Variants in STXBP5 observed in about 807,000 individuals in gnomAD.
STXBP5 encodes syntaxin-binding protein 5.
In STXBP5, 50 loss-of-function variants were observed where a neutral mutation model predicts 152.4. The ratio of observed to expected loss-of-function variants is 0.33; its 90% CI spans 0.26 to 0.42. The LOEUF is 0.42. Ranked by LOEUF, STXBP5 falls within the 10% of genes least tolerant of loss-of-function variation. The pLI, the probability that STXBP5 is intolerant of heterozygous loss-of-function variation, is 1.00. For missense variants in STXBP5, 1,167 were observed against 1,388.6 expected (o/e 0.84, Z 2.54); for synonymous variants, 492 against 494.7 (o/e 0.99, Z 0.07).
chr6:147,211,981 A>G (rs768925487), intron 2 of STXBP5, among the ~76,000 whole-genome samples: 1 of 152,218 alleles, frequency 6.6e-6, no homozygotes, highest in Non-Finnish European at 1.5e-5. Flanking sequence ...AGGAGAAACA[A>G]GGAGCTTGAA....
In STXBP5 at chr6:147,339,185, C is replaced by A; in HGVS notation, c.2153C>A (p.Ser718Ter). The A allele has an allele frequency of 1.3e-6, 2 of 1,540,134 alleles. No homozygotes were observed. The highest frequency in any genetic ancestry group is 1.7e-6 in the Non-Finnish European group (2 of 1,143,094). The change falls in exon 20 of 28, where the codon TCA (serine) becomes TAA (stop). Residue 718 changes from serine (S) to a stop codon, truncating the protein, a stop_gained. Transcript: ENST00000321680. LOFTEE classifies it high-confidence loss of function. ...DRCKSPTSGS[S>*]SPHNSDDEQK... is the part of the protein sequence containing the mutation. ...GTTGTCTTCATTTGTGTAGGTTCTT[C>A]ATCACCACACAATTCAGATGATGAA...
At chr6:147,286,479 T>C (rs1780967553) in intron 8 of STXBP5, among the ~76,000 whole-genome samples, 1 of 152,180 alleles carries the variant, frequency 6.6e-6, no homozygotes, top group African/African-American at 2.4e-5. Context: ...TCAAAACTCA[T>C]CTGATTGTAC....
At chr6:147,341,715 A>G (rs528573923) in intron 21 of STXBP5, among the ~76,000 whole-genome samples, 2 of 151,080 alleles carry the variant, frequency 1.3e-5, no homozygotes, top group South Asian at 4.2e-4. Flanking sequence ...ACAGGATGGC[A>G]GTCACAATTT....
intron 2 of STXBP5, among the ~76,000 whole-genome samples, chr6:147,208,040 A>G (rs1776661190): frequency 6.6e-6 from 1 of 152,186 alleles, no homozygotes; most frequent in Admixed American, 6.5e-5. Flanking sequence ...CAGGTGGCCA[A>G]AATTGTCACT....
At chr6:147,374,362 C>G (rs1785708817) in intron 26 of STXBP5, among the ~76,000 whole-genome samples, 1 of 152,026 alleles carries the variant, frequency 6.6e-6, no homozygotes, top group Admixed American at 6.6e-5. Context: ...CAGCTAGTAT[C>G]TATCCTTTGA....
intron 23 of STXBP5, among the ~76,000 whole-genome samples, 183 bp downstream of exon 23, chr6:147,359,506 A>G (rs9497758): frequency 0.011 from 1,722 of 152,036 alleles, 41 homozygotes; most frequent in African/African-American, 0.04. Context: ...CATGTGCACA[A>G]TGTGCAGGTT....
rs1303593645 is a variant in STXBP5 at position 147,334,189 on chromosome 6, G to A, written c.2113G>A (p.Val705Ile). The part of the protein sequence containing the change: ...GLCDISEGTV[V>I]PEDRCKSPTS... ...GTGTGATATTAGTGAAGGGACTGTT[G>A]TTCCAGAGGATCGCTGCAAATCTCC... is the stretch of plus-strand genomic sequence containing the variant. The change falls in exon 19 of 28, where the codon GTT becomes ATT. Residue 705 changes from valine to isoleucine, a missense_variant. Around this residue, in one of 3 missense-constraint regions of STXBP5, gnomAD observed 833 missense variants for 986.3 expected, o/e 0.84. Coordinates refer to ENST00000321680, the MANE Select transcript of STXBP5 (RefSeq NM_001127715.4). 6.2e-7 allele frequency: 1 copy of A among 1,612,308 alleles called. No homozygotes were observed. Among genetic ancestry groups the A allele is most frequent in the Admixed American group, 1.7e-5 (1 of 59,942 alleles).
At chr6:147,241,364 C>T (rs987889687) in intron 4 of STXBP5, among the ~76,000 whole-genome samples, 2 of 152,210 alleles carry the variant, frequency 1.3e-5, no homozygotes, top group South Asian at 2.1e-4. Context: ...TTGACAAATG[C>T]GTAATGTCAT....
chr6:147,350,395 A>C (rs1784534794), intron 21 of STXBP5, among the ~76,000 whole-genome samples: 1 of 152,118 alleles, frequency 6.6e-6, no homozygotes, highest in Non-Finnish European at 1.5e-5. Flanking sequence ...TTTGGCAGCA[A>C]TGTATGTATA....
chr6:147,252,492 C>G (rs920381826), intron 4 of STXBP5, among the ~76,000 whole-genome samples: 1 of 151,660 alleles, frequency 6.6e-6, no homozygotes. Flanking sequence ...GATTGAAGAT[C>G]AACTTAAATA....
At chr6:147,350,107 ATCTT>A (rs111777517) in intron 21 of STXBP5, among the ~76,000 whole-genome samples, 2 of 152,306 alleles carry the variant, frequency 1.3e-5, no homozygotes, top group African/African-American at 4.8e-5. Flanking sequence ...GTATTCAACA[ATCTT>A]TCCAGTCATT....
intron 9 of STXBP5, among the ~76,000 whole-genome samples, chr6:147,296,678 G>T (rs1781542686): frequency 1.3e-5 from 2 of 151,956 alleles, no homozygotes; most frequent in African/African-American, 4.8e-5. Context: ...CAAAATAATG[G>T]TTTCTTAAAA....
At chr6:147,208,096 A>G (rs1207043884) in intron 2 of STXBP5, among the ~76,000 whole-genome samples, 2 of 152,212 alleles carry the variant, frequency 1.3e-5, no homozygotes, top group African/African-American at 2.4e-5. Context: ...TATTATGTGA[A>G]TAAAAGTGAA....
chr6:147,322,615 A>T (rs534487067), intron 16 of STXBP5, among the ~76,000 whole-genome samples: 2 of 152,294 alleles, frequency 1.3e-5, no homozygotes, highest in East Asian at 3.9e-4. Flanking sequence ...GTTCTCTCAC[A>T]CACTGTCATT....
intron 9 of STXBP5, among the ~76,000 whole-genome samples, chr6:147,298,232 TG>T (rs1781629220): frequency 6.6e-6 from 1 of 152,018 alleles, no homozygotes; most frequent in Non-Finnish European, 1.5e-5. Flanking sequence ...AATCAAAAAC[TG>T]TAAAAAATGA....
chr6:147,315,938 A>G (rs569416887), intron 15 of STXBP5, among the ~76,000 whole-genome samples: 7 of 152,228 alleles, frequency 4.6e-5, no homozygotes, highest in African/African-American at 1.4e-4. Flanking sequence ...TAAGTATAGG[A>G]TATGTTTCCT....
chr6:147,268,307 A>G (rs1471155988), intron 7 of STXBP5, among the ~76,000 whole-genome samples: 2 of 152,166 alleles, frequency 1.3e-5, no homozygotes, highest in African/African-American at 4.8e-5. Flanking sequence ...GGTGGCCATA[A>G]TTTAGACATC....
intron 2 of STXBP5, among the ~76,000 whole-genome samples, chr6:147,226,772 G>T (rs1355204183): frequency 6.6e-6 from 1 of 152,094 alleles, no homozygotes; most frequent in Non-Finnish European, 1.5e-5. Context: ...TTATAATTCT[G>T]TTGCTAAACT....
chr6:147,323,189 T>G (rs951473441), intron 16 of STXBP5, among the ~76,000 whole-genome samples: 1 of 152,122 alleles, frequency 6.6e-6, no homozygotes, highest in Non-Finnish European at 1.5e-5. Flanking sequence ...AAAGTATTAA[T>G]AGCTGCAAGG....
Sources: gnomAD v4.1 joint callset for allele counts (sites outside exome capture counted in the v4.1 genomes callset) on GRCh38, gnomAD v4.1.1 for gene constraint, gnomAD v4.1.1 regional missense constraint, MANE v1.5 for transcripts, NCBI Gene and HGNC (gene_info 2026-07-23, HGNC 2026-07-21) for gene names.